The following CDK19 variants were observed in gnomAD, a reference collection of about 807,000 sequenced individuals.
CDK19 encodes cyclin-dependent kinase 19.
Under a neutral mutation model 68.3 loss-of-function variants are expected in CDK19, and 20 were observed. The ratio of observed to expected loss-of-function variants is 0.29; its 90% CI spans 0.21 to 0.43. The LOEUF (loss-of-function observed/expected upper bound fraction) is 0.43, where lower values mean the gene tolerates loss of function less well. CDK19 is among the 20% of genes least tolerant of loss of function. CDK19 has a pLI of 1.00. For synonymous variants in CDK19, 221 were observed against 222.8 expected, an observed-to-expected ratio of 0.99 and a Z score of 0.07; for missense variants, 339 against 623.5, an observed-to-expected ratio of 0.54 and a Z score of 4.86.
intron 5 of CDK19, among the ~76,000 whole-genome samples, chr6:110,636,111 G>C (rs766484732): frequency 6.6e-6 from 1 of 152,150 alleles, no homozygotes; most frequent in Non-Finnish European, 1.5e-5. Context: ...TTTTGCTAAG[G>C]AGTACTAAGA....
intron 2 of CDK19, among the ~76,000 whole-genome samples, chr6:110,702,071 G>A (rs1427999289): frequency 6.6e-6 from 1 of 152,144 alleles, no homozygotes; most frequent in African/African-American, 2.4e-5. Context: ...AACCCGGCAG[G>A]TGGAGGTTGC....
At chr6:110,781,807 G>A (rs1780845787) in intron 1 of CDK19, among the ~76,000 whole-genome samples, 2 of 150,114 alleles carry the variant, frequency 1.3e-5, no homozygotes, top group Non-Finnish European at 3.0e-5. Context: ...TCATGTCACT[G>A]CCTAGGTGAC....
At chr6:110,803,210 G>C (rs983299947) in intron 1 of CDK19, among the ~76,000 whole-genome samples, 3 of 152,110 alleles carry the variant, frequency 2.0e-5, no homozygotes. Flanking sequence ...CTCCTGAGTA[G>C]CTGGGACTAC....
intron 2 of CDK19, among the ~76,000 whole-genome samples, chr6:110,694,088 AAAC>A (rs1773271211): frequency 6.6e-6 from 1 of 152,004 alleles, no homozygotes; most frequent in South Asian, 2.1e-4. Context: ...AAAAAAAAAA[AAAC>A]AAGGTGTTCA....
chr6:110,646,259 T>C (rs1780566856), intron 4 of CDK19: 9 of 1,501,590 alleles, frequency 6.0e-6, no homozygotes, highest in East Asian at 2.5e-5. Flanking sequence ...TCCACACACA[T>C]AGTTGCGTGT....
chr6:110,654,287 G>A (rs1781160387), intron 4 of CDK19, among the ~76,000 whole-genome samples: 1 of 152,154 alleles, frequency 6.6e-6, no homozygotes, highest in Admixed American at 6.5e-5. Flanking sequence ...ATAGGGCAAA[G>A]AACTACCTAA....
intron 2 of CDK19, among the ~76,000 whole-genome samples, chr6:110,696,644 G>A (rs992285309): frequency 1.3e-5 from 2 of 152,132 alleles, no homozygotes; most frequent in African/African-American, 4.8e-5. Flanking sequence ...TCACTAGGCC[G>A]GGTGTGGTGG....
chr6:110,712,842 GAAGTT>G lies in CDK19; in HGVS notation c.204+33279_204+33283del, dbSNP rs201916911. Among the ~76,000 whole-genome samples the G allele has an allele frequency of 4.9e-3, 745 of 152,284 alleles. 3 individuals are homozygous for G. Among genetic ancestry groups the G allele is most frequent in the Middle Eastern group, 0.02 (6 of 294 alleles). Reference sequence around the variant, plus strand: ...AAGGCATGTATGAAACTAACGGTAAGAAGTTAAGTAGATTCAGAATAAGATGGCAG... The same window carrying G: ...AAGGCATGTATGAAACTAACGGTAAGAAGTAGATTCAGAATAAGATGGCAG... On this transcript the variant is annotated intron_variant, in intron 2 of 12. Coordinates refer to ENST00000368911, the MANE Select transcript of CDK19 (RefSeq NM_015076.5).
At chr6:110,776,504 T>G (rs990385868) in intron 1 of CDK19, among the ~76,000 whole-genome samples, 2 of 151,634 alleles carry the variant, frequency 1.3e-5, no homozygotes, top group African/African-American at 2.4e-5. Flanking sequence ...TAAGGAAGCC[T>G]GAAGAAGCAA....
intron 1 of CDK19, among the ~76,000 whole-genome samples, chr6:110,779,378 G>A (rs928270306): frequency 3.9e-5 from 6 of 152,052 alleles, no homozygotes; most frequent in South Asian, 2.1e-4. Context: ...CAACAAACTC[G>A]TGTACCAAAT....
chr6:110,732,392 A>G (rs1001110057), intron 2 of CDK19, among the ~76,000 whole-genome samples: 2 of 152,130 alleles, frequency 1.3e-5, no homozygotes, highest in African/African-American at 4.8e-5. Flanking sequence ...ATTCCCAGCT[A>G]CTCAGGAAGC....
chr6:110,614,480 C>T lies in CDK19; in HGVS notation c.*55G>A. ...TTTTTTTGGTTCTTTTCAATGCAGA[C>T]ATATTGCTGGAGCCTGTGCTCTGGG... On this transcript the variant is annotated 3_prime_UTR_variant, in exon 13 of 13. Coordinates refer to ENST00000368911, the MANE Select transcript of CDK19 (RefSeq NM_015076.5). 1.3e-6 allele frequency: 2 copies of T among 1,570,848 alleles called. No homozygotes were observed. The highest frequency in any genetic ancestry group is 1.7e-6 in the Non-Finnish European group (2 of 1,154,500).
intron 4 of CDK19, among the ~76,000 whole-genome samples, chr6:110,657,699 GT>G (rs1291320142): frequency 6.6e-6 from 1 of 152,172 alleles, no homozygotes; most frequent in African/African-American, 2.4e-5. Context: ...CTTGAAGTTA[GT>G]TTGGTAAATA....
intron 1 of CDK19, among the ~76,000 whole-genome samples, chr6:110,812,919 G>C (rs1470999710): frequency 1.3e-5 from 2 of 151,352 alleles, no homozygotes; most frequent in African/African-American, 4.9e-5. Flanking sequence ...CAACCCACAA[G>C]AGACGTGGGT....
At chr6:110,785,901 A>G (rs1229837661) in intron 1 of CDK19, among the ~76,000 whole-genome samples, 1 of 151,734 alleles carries the variant, frequency 6.6e-6, no homozygotes, top group Non-Finnish European at 1.5e-5. Context: ...AATCGCTTGA[A>G]CCGGGGAGGC....
At chr6:110,814,893 CCCCCTCCGCCTCG>C (rs1254260912) in intron 1 of CDK19, 103 bp downstream of exon 1, 2 of 1,390,788 alleles carry the variant, frequency 1.4e-6, no homozygotes, top group Non-Finnish European at 2.0e-6. Flanking sequence ...AACCCCGCGA[CCCCCTCCGCCTCG>C]CCCCTCGGGC....
chr6:110,654,583 T>C (rs1252945241), intron 4 of CDK19, among the ~76,000 whole-genome samples: 1 of 152,258 alleles, frequency 6.6e-6, no homozygotes, highest in Non-Finnish European at 1.5e-5. Flanking sequence ...CAGTGGTTTG[T>C]ACTCATAATC....
At chr6:110,746,314 CA>C in intron 1 of CDK19, 113 bp from the exon 2 acceptor site, 1 of 585,690 alleles carries the variant, frequency 1.7e-6, no homozygotes, top group South Asian at 2.4e-5. Context: ...TAAACATTCT[CA>C]TTATACCATG....
chr6:110,786,994 C>A (rs773970821), intron 1 of CDK19, among the ~76,000 whole-genome samples: 4 of 152,150 alleles, frequency 2.6e-5, no homozygotes, highest in African/African-American at 9.7e-5. Flanking sequence ...TCCCTTCTTG[C>A]CTTAAATCCT....
Sources: gnomAD v4.1 joint callset for allele counts (sites outside exome capture counted in the v4.1 genomes callset) on GRCh38, gnomAD v4.1.1 for gene constraint, MANE v1.5 for transcripts, NCBI Gene and HGNC (gene_info 2026-07-23, HGNC 2026-07-21) for gene names.